Variants in DNER observed in about 807,000 individuals in gnomAD.
DNER encodes the protein delta/notch like EGF repeat containing, also known as delta and Notch-like epidermal growth factor-related receptor.
A neutral mutation model predicts 78.2 loss-of-function variants in DNER; 33 were observed. That is an observed-to-expected ratio of 0.42 (90% CI 0.32 to 0.56). The LOEUF is 0.56. DNER is among the 20% of genes least tolerant of loss of function. The pLI is 0.11. For synonymous variants in DNER, 417 were observed against 384.8 expected, an observed-to-expected ratio of 1.08 and a Z score of -0.98; for missense variants, 918 against 975.3, an observed-to-expected ratio of 0.94 and a Z score of 0.78.
At chr2:229,499,462 G>T (rs1416909304) in intron 6 of DNER, among the ~76,000 whole-genome samples, 1 of 137,890 alleles carries the variant, frequency 7.3e-6, no homozygotes, top group Non-Finnish European at 1.6e-5. Context: ...AAAAAAAAAA[G>T]GAAATTTAAA....
intron 5 of DNER, among the ~76,000 whole-genome samples, chr2:229,523,269 T>G (rs1429750824): frequency 6.6e-6 from 1 of 152,240 alleles, no homozygotes; most frequent in Non-Finnish European, 1.5e-5. Flanking sequence ...GTGGGTTTCT[T>G]TCCTACTCTT....
rs766690028 is a variant in DNER, at chr2:229,358,192, C to T, written c.*348G>A. The stretch of plus-strand genomic sequence containing the variant: ...GTTTTCCTAACTCTACTCAGAAAGC[C>T]GGCACTCAAACGTCAAACAGAAACT... On this transcript the variant is annotated 3_prime_UTR_variant, in exon 13 of 13. Coordinates refer to ENST00000341772, the MANE Select transcript of DNER (RefSeq NM_139072.4). 2.2e-4 allele frequency: 37 copies of T among 165,028 alleles called. No homozygotes were observed. Among genetic ancestry groups the T allele is most frequent in the Non-Finnish European group, 4.6e-4 (35 of 76,160 alleles). 10.2% of individuals were successfully genotyped at this position (165,028 alleles called of 1,614,324 possible).
chr2:229,636,097 T>C (rs1339350823), intron 1 of DNER, among the ~76,000 whole-genome samples: 2 of 152,170 alleles, frequency 1.3e-5, no homozygotes, highest in Non-Finnish European at 1.5e-5. Context: ...CATTCTCCCG[T>C]GGCACACCGT....
intron 8 of DNER, among the ~76,000 whole-genome samples, chr2:229,432,229 T>C (rs1261100739): frequency 3.3e-5 from 5 of 152,162 alleles, no homozygotes; most frequent in Non-Finnish European, 7.3e-5. Flanking sequence ...TATAAACACA[T>C]AAAAATGGCT....
intron 11 of DNER, among the ~76,000 whole-genome samples, chr2:229,374,082 G>A (rs552585241): frequency 6.6e-6 from 1 of 152,132 alleles, no homozygotes; most frequent in Non-Finnish European, 1.5e-5. Context: ...GCACAAGAAT[G>A]GCTTGAGCCT....
At chr2:229,546,093 T>C (rs919102832) in intron 5 of DNER, among the ~76,000 whole-genome samples, 2 of 152,256 alleles carry the variant, frequency 1.3e-5, no homozygotes, top group Non-Finnish European at 2.9e-5. Flanking sequence ...GCATTACAAT[T>C]ACTTTGAAAA....
rs753203582 is a variant in DNER, at chr2:229,591,877, A to T, written c.288T>A (p.Asp96Glu). ...ISGANCQLVA[D>E]PCASNPCHHG... is the part of the protein sequence containing the mutation. ...GGTGACAAGGGTTGCTGGCACAAGG[A>T]TCTGCAACAAGCTGAAACGAGACCA... The change falls in exon 2 of 13, where the codon GAT becomes GAA. Residue 96 changes from aspartate to glutamate, a missense_variant. Transcript: ENST00000341772. The surrounding 1 kb of genome is among the most constrained non-coding windows in gnomAD (Gnocchi z 4.6). 6.3e-7 allele frequency: 1 copy of T among 1,583,944 alleles called. No homozygotes were observed. Among genetic ancestry groups the T allele is most frequent in the Non-Finnish European group, 8.6e-7 (1 of 1,166,240 alleles).
intron 7 of DNER, among the ~76,000 whole-genome samples, chr2:229,453,070 G>A (rs1012930703): frequency 2.6e-5 from 4 of 152,218 alleles, no homozygotes; most frequent in African/African-American, 4.8e-5. Context: ...CACCATCTCA[G>A]CCCACTAAAC....
intron 1 of DNER, among the ~76,000 whole-genome samples, chr2:229,655,416 C>T (rs116030461): frequency 0.016 from 2,437 of 152,076 alleles, 73 homozygotes; most frequent in African/African-American, 0.055. Flanking sequence ...AGAGAGGATG[C>T]GATTTAAATA....
chr2:229,517,531 G>A (rs774068793), intron 5 of DNER, among the ~76,000 whole-genome samples: 1 of 152,228 alleles, frequency 6.6e-6, no homozygotes, highest in African/African-American at 2.4e-5. Flanking sequence ...GGAACAGCCA[G>A]TACAAAGACT....
chr2:229,714,301 G>A lies in DNER; in HGVS notation c.123C>T (p.Pro41=). ...SSLANPVPAA[P]LSAPGPCAAQ... ...CGGCGCACGGCCCGGGCGCAGACAG[G>A]GGCGCGGCGGGCACCGGGTTGGCCA... is the stretch of plus-strand genomic sequence containing the variant. The change falls in exon 1 of 13, where the codon CCC becomes CCT. Residue 41 remains proline (P), a synonymous_variant. Coordinates refer to ENST00000341772, the MANE Select transcript of DNER (RefSeq NM_139072.4). The A allele has an allele frequency of 7.7e-7, 1 of 1,304,114 alleles. No homozygotes were observed. Among genetic ancestry groups the A allele is most frequent in the Non-Finnish European group, 9.7e-7 (1 of 1,030,980 alleles). 80.8% of individuals were successfully genotyped at this position (1,304,114 alleles called of 1,614,324 possible). A position where few individuals can be genotyped will look rare whatever the true frequency, so the allele number is the denominator to read the frequency against.
chr2:229,528,878 G>C (rs1306702161), intron 5 of DNER, among the ~76,000 whole-genome samples: 1 of 152,166 alleles, frequency 6.6e-6, no homozygotes, highest in East Asian at 1.9e-4. Flanking sequence ...GTTCCCATTG[G>C]ATAATTCCAG....
intron 11 of DNER, among the ~76,000 whole-genome samples, chr2:229,383,664 G>A (rs1692796535): frequency 6.6e-6 from 1 of 152,104 alleles, no homozygotes; most frequent in African/African-American, 2.4e-5. Flanking sequence ...AGACAAAAAA[G>A]GGCATTACAT....
At chr2:229,532,739 A>G (rs1696329197) in intron 5 of DNER, among the ~76,000 whole-genome samples, 2 of 152,254 alleles carry the variant, frequency 1.3e-5, no homozygotes, top group Admixed American at 1.3e-4. Context: ...TTTATCAAAA[A>G]AGTTGGTTTT....
intron 8 of DNER, among the ~76,000 whole-genome samples, chr2:229,444,415 T>G (rs1434379527): frequency 1.3e-5 from 2 of 152,158 alleles, no homozygotes; most frequent in African/African-American, 4.8e-5. Context: ...GCGAGGATGT[T>G]AGAGAGGTCC....
chr2:229,463,745 G>A (rs927955263), intron 7 of DNER, among the ~76,000 whole-genome samples: 1 of 152,194 alleles, frequency 6.6e-6, no homozygotes, highest in Non-Finnish European at 1.5e-5. Flanking sequence ...CCAGCTGAAG[G>A]TAAAATGGTT....
At chr2:229,537,468 C>T (rs1043834081) in intron 5 of DNER, among the ~76,000 whole-genome samples, 1 of 152,078 alleles carries the variant, frequency 6.6e-6, no homozygotes, top group Non-Finnish European at 1.5e-5. Context: ...TATATATTAG[C>T]TCTTGGGCCT....
At chr2:229,693,114 A>C (rs1330109877) in intron 1 of DNER, among the ~76,000 whole-genome samples, 1 of 151,900 alleles carries the variant, frequency 6.6e-6, no homozygotes, top group Non-Finnish European at 1.5e-5. Flanking sequence ...AGGTAACTGA[A>C]TCATGGGGGC....
At chr2:229,612,088 C>T (rs529515872) in intron 1 of DNER, among the ~76,000 whole-genome samples, 13 of 152,296 alleles carry the variant, frequency 8.5e-5, no homozygotes, top group African/African-American at 3.1e-4. Flanking sequence ...GAGTCAAATC[C>T]CAGCACAGCC....
Sources: gnomAD v4.1 joint callset for allele counts (sites outside exome capture counted in the v4.1 genomes callset) on GRCh38, gnomAD v4.1.1 for gene constraint, Gnocchi (gnomAD v3.1) non-coding constraint, MANE v1.5 for transcripts, NCBI Gene and HGNC (gene_info 2026-07-23, HGNC 2026-07-21) for gene names.